The following TRDN variants were observed in gnomAD, a reference collection of about 807,000 sequenced individuals.
TRDN encodes triadin.
A neutral mutation model predicts 149.7 loss-of-function variants in TRDN; 161 were observed. The observed-to-expected ratio is 1.08, with a 90% CI of 0.95 to 1.23. TRDN has a LOEUF of 1.23. TRDN is among the 50% of genes most tolerant of loss of function. The pLI is 0.00. For missense variants in TRDN, 896 were observed against 823.5 expected, an observed-to-expected ratio of 1.09 and a Z score of -1.08; for synonymous variants, 294 against 250.5, an observed-to-expected ratio of 1.17 and a Z score of -1.64.
chr6:123,578,079 T>C (rs1583275431), intron 1 of TRDN, among the ~76,000 whole-genome samples: 3 of 152,056 alleles, frequency 2.0e-5, no homozygotes, highest in Admixed American at 6.6e-5. Flanking sequence ...CCATTCTGTA[T>C]GTTGTCTGTT....
intron 21 of TRDN, among the ~76,000 whole-genome samples, chr6:123,342,726 C>T (rs1213520057): frequency 2.0e-5 from 3 of 151,912 alleles, no homozygotes; most frequent in Non-Finnish European, 4.4e-5. Flanking sequence ...GGTTAAATTT[C>T]TACACTATAC....
chr6:123,305,642 A>C (rs9490725), intron 24 of TRDN, among the ~76,000 whole-genome samples: 21,760 of 152,098 alleles, frequency 0.14, 1,806 homozygotes, highest in African/African-American at 0.22. Context: ...TTTCCACATG[A>C]AACAACTTTC....
At chr6:123,626,497 C>T (rs1314633852) in intron 1 of TRDN, among the ~76,000 whole-genome samples, 1 of 151,974 alleles carries the variant, frequency 6.6e-6, no homozygotes, top group East Asian at 1.9e-4. Context: ...ACAAAAAAGT[C>T]ACTCTTCATC....
chr6:123,385,832 G>A (rs1262020976), intron 14 of TRDN, among the ~76,000 whole-genome samples: 2 of 152,014 alleles, frequency 1.3e-5, no homozygotes, highest in African/African-American at 4.8e-5. Flanking sequence ...GGATCTGCTC[G>A]TAGAATTCAA....
chr6:123,448,848 G>A (rs1319897982), intron 10 of TRDN, among the ~76,000 whole-genome samples: 2 of 152,048 alleles, frequency 1.3e-5, no homozygotes, highest in East Asian at 1.9e-4. Context: ...ACCAGAATAG[G>A]CACTGGTATT....
At position 123,616,382 on chromosome 6, in the gene TRDN, A is replaced by G. The variant is rs139695346; in HGVS notation, c.22+20372T>C. Among the ~76,000 whole-genome samples the G allele has an allele frequency of 7.0e-3, 1,046 of 148,614 alleles. 17 individuals carry two copies. The highest frequency in any genetic ancestry group is 0.026 in the African/African-American group (1,000 of 38,680). On this transcript the variant is annotated intron_variant, in intron 1 of 40. Coordinates refer to ENST00000334268, the MANE Select transcript of TRDN (RefSeq NM_006073.4). ...ACGTTATACTTTACATTATTTATAA[A>G]GCAGGTTTGCAAAAAAAAAAAAATC...
chr6:123,485,418 G>C (rs1349080377), intron 9 of TRDN, among the ~76,000 whole-genome samples: 1 of 151,796 alleles, frequency 6.6e-6, no homozygotes, highest in Non-Finnish European at 1.5e-5. Context: ...TTTTTTCATT[G>C]AAATAAATAT....
At chr6:123,348,753 A>G (rs1409734737) in intron 21 of TRDN, among the ~76,000 whole-genome samples, 1 of 152,084 alleles carries the variant, frequency 6.6e-6, no homozygotes, top group Non-Finnish European at 1.5e-5. Flanking sequence ...TAAAAAATGA[A>G]ATTAGCAGCT....
intron 1 of TRDN, among the ~76,000 whole-genome samples, chr6:123,595,010 A>G (rs2114630964): frequency 6.6e-6 from 1 of 152,072 alleles, no homozygotes; most frequent in East Asian, 1.9e-4. Context: ...TGCCATCTTG[A>G]GACTCACAGT....
chr6:123,425,422 A>T (rs2114555253), intron 12 of TRDN, among the ~76,000 whole-genome samples: 1 of 152,128 alleles, frequency 6.6e-6, no homozygotes, highest in East Asian at 1.9e-4. Flanking sequence ...CCCCAGTTGG[A>T]GACATACATT....
chr6:123,464,747 C>T (rs913888136), intron 10 of TRDN, 159 bp downstream of exon 10: 17 of 1,397,874 alleles, frequency 1.2e-5, no homozygotes, highest in South Asian at 5.2e-5. Flanking sequence ...CTAAAAGAAG[C>T]AAATTGCAAT....
At chr6:123,417,001 C>G (rs920609791) in intron 12 of TRDN, among the ~76,000 whole-genome samples, 1 of 152,176 alleles carries the variant, frequency 6.6e-6, no homozygotes, top group Non-Finnish European at 1.5e-5. Flanking sequence ...CCACGCCCAG[C>G]CACCATTATT....
intron 38 of TRDN, among the ~76,000 whole-genome samples, chr6:123,250,089 G>A (rs1319090678): frequency 2.6e-5 from 4 of 151,962 alleles, no homozygotes; most frequent in Non-Finnish European, 4.4e-5. Context: ...GAAGGTAATT[G>A]CATTTATAAC....
At chr6:123,339,798 C>T (rs371918371) in intron 21 of TRDN, among the ~76,000 whole-genome samples, 10 of 152,220 alleles carry the variant, frequency 6.6e-5, no homozygotes, top group African/African-American at 1.7e-4. Flanking sequence ...TTCTTTTTAC[C>T]GGCATGTTTC....
At chr6:123,285,908 C>T (rs980862904) in intron 24 of TRDN, among the ~76,000 whole-genome samples, 4 of 151,804 alleles carry the variant, frequency 2.6e-5, no homozygotes, top group South Asian at 2.1e-4. Context: ...AAATGGCCAG[C>T]GAAAATGTGA....
chr6:123,238,711 T>A (rs1775879449), intron 38 of TRDN, among the ~76,000 whole-genome samples: 1 of 152,302 alleles, frequency 6.6e-6, no homozygotes, highest in East Asian at 1.9e-4. Context: ...GACACATATA[T>A]AAAACATCAT....
chr6:123,311,132 C>T (rs981820748), intron 24 of TRDN, among the ~76,000 whole-genome samples: 2 of 151,936 alleles, frequency 1.3e-5, no homozygotes, highest in East Asian at 1.9e-4. Context: ...ACTCATAGTT[C>T]GCATGGCTGG....
At chr6:123,618,067 C>G (rs937738736) in intron 1 of TRDN, among the ~76,000 whole-genome samples, 1 of 152,102 alleles carries the variant, frequency 6.6e-6, no homozygotes, top group South Asian at 2.1e-4. Context: ...TTCTCCTATG[C>G]TAATTTTATA....
chr6:123,614,018 C>A (rs1485486028), intron 1 of TRDN, among the ~76,000 whole-genome samples: 1 of 151,996 alleles, frequency 6.6e-6, no homozygotes, highest in Non-Finnish European at 1.5e-5. Context: ...TTTCTAGTCA[C>A]CCTTTAAGAT....
Sources: allele counts gnomAD v4.1 joint callset (sites outside exome capture counted in the v4.1 genomes callset), GRCh38; gene constraint gnomAD v4.1.1; transcripts MANE v1.5; gene names NCBI Gene and HGNC (gene_info 2026-07-23, HGNC 2026-07-21).